The following FAF1 variants were observed in gnomAD, a reference collection of about 807,000 sequenced individuals.
FAF1 encodes the protein FAS-associated factor 1.
A neutral mutation model predicts 92.5 loss-of-function variants in FAF1; 25 were observed. The observed-to-expected ratio is 0.27, with a 90% CI of 0.20 to 0.38. The LOEUF (loss-of-function observed/expected upper bound fraction) is 0.38. FAF1 is among the 10% of genes least tolerant of loss of function. The pLI is 1.00. For synonymous variants in FAF1, 234 were observed against 273.2 expected, an observed-to-expected ratio of 0.86 and a Z score of 1.42; for missense variants, 636 against 793.3, an observed-to-expected ratio of 0.80 and a Z score of 2.38.
intron 8 of FAF1, among the ~76,000 whole-genome samples, chr1:50,623,240 ATT>A (rs1017848986): frequency 2.0e-4 from 30 of 152,140 alleles, no homozygotes; most frequent in African/African-American, 7.2e-4. Context: ...ACAATCTTCC[ATT>A]TTGAGTGTAG....
At chr1:50,872,357 G>A (rs1388082669) in intron 1 of FAF1, among the ~76,000 whole-genome samples, 1 of 152,206 alleles carries the variant, frequency 6.6e-6, no homozygotes, top group Non-Finnish European at 1.5e-5. Flanking sequence ...TAGAAGTGGA[G>A]TGTGAAGATA....
chr1:50,535,315 T>G, intron 15 of FAF1, 54 bp downstream of exon 15: 2 of 1,183,878 alleles, frequency 1.7e-6, no homozygotes, highest in Non-Finnish European at 2.5e-6. Context: ...TTTGACAAAT[T>G]AAAATCCTAT....
intron 6 of FAF1, among the ~76,000 whole-genome samples, chr1:50,732,770 TTC>T (rs1401731811): frequency 6.6e-6 from 1 of 152,156 alleles, no homozygotes; most frequent in Admixed American, 6.5e-5. Context: ...CCATCATATT[TTC>T]TGTTTTCTAT....
At chr1:50,889,671 A>G (rs76205049) in intron 1 of FAF1, among the ~76,000 whole-genome samples, 10,722 of 152,132 alleles carry the variant, frequency 0.07, 460 homozygotes, top group Non-Finnish European at 0.098. Flanking sequence ...GTAGTTGAGC[A>G]GTTTTGAGTG....
rs1644360849 is a variant in FAF1, at chr1:50,852,700, G to A, written c.114+5229C>T. On this transcript the variant is annotated intron_variant, in intron 2 of 18. Transcript: ENST00000396153. ...TACCCCTTAACAGCTATGTGAGCTT[G>A]GACAGTTTACTTAACTTCATTAGCC... 2.6e-5 allele frequency among the ~76,000 whole-genome samples: 4 copies of A among 152,200 alleles called. No individual in the cohort carries two copies. In the South Asian group the frequency reaches 8.3e-4, roughly 32 times the overall value.
intron 1 of FAF1, among the ~76,000 whole-genome samples, chr1:50,882,084 A>C (rs1247794486): frequency 6.6e-6 from 1 of 152,214 alleles, no homozygotes; most frequent in African/African-American, 2.4e-5. Flanking sequence ...ACTCTAAACA[A>C]AGATTATTGC....
Position 50,653,770 on chromosome 1 carries a change from G to A in FAF1, c.744+1672C>T, listed in dbSNP as rs1009321547. Among the ~76,000 whole-genome samples, 9 of 152,210 alleles carry A rather than the reference G, an allele frequency of 5.9e-5. No individual in the cohort carries two copies. The East Asian group carries it at 1.6e-3, about 26-fold the overall frequency. ...AATCCCAGCTACTTGGGAGGCTGAG[G>A]CAGGAGAATCAATCGCTTGAACCCA... On this transcript the variant is annotated intron_variant, in intron 8 of 18. Coordinates refer to ENST00000396153, the MANE Select transcript of FAF1 (RefSeq NM_007051.3).
intron 7 of FAF1, among the ~76,000 whole-genome samples, chr1:50,667,451 A>G (rs1655687955): frequency 6.6e-6 from 1 of 152,150 alleles, no homozygotes; most frequent in African/African-American, 2.4e-5. Context: ...CTCCTCTTCT[A>G]TGCTTTTGAT....
At chr1:50,767,644 T>C (rs1244896158) in intron 4 of FAF1, among the ~76,000 whole-genome samples, 3 of 152,122 alleles carry the variant, frequency 2.0e-5, no homozygotes, top group Non-Finnish European at 1.5e-5. Flanking sequence ...CAGAAGAGAT[T>C]GGGGGTTTAT....
At chr1:50,897,793 C>T (rs1241400279) in intron 1 of FAF1, among the ~76,000 whole-genome samples, 2 of 152,158 alleles carry the variant, frequency 1.3e-5, no homozygotes, top group Non-Finnish European at 2.9e-5. Context: ...TCTATCAATG[C>T]AAAACATGGT....
chr1:50,774,745 G>C (rs996045592), intron 4 of FAF1, among the ~76,000 whole-genome samples: 1 of 152,042 alleles, frequency 6.6e-6, no homozygotes, highest in Admixed American at 6.6e-5. Flanking sequence ...TCCATTGCTA[G>C]ATCTTAGAGA....
In FAF1 at chr1:50,690,843, T is replaced by C. The variant is rs561793521; in HGVS notation, c.657+14943A>G. On this transcript the variant is annotated intron_variant, in intron 7 of 18. Transcript: ENST00000396153. ...AAACGTAATTATATAATATGTGGCT[T>C]TTTGTGTTTAGTTTCTTTCATTTAG... is the stretch of plus-strand genomic sequence containing the variant. 2.6e-5 allele frequency among the ~76,000 whole-genome samples: 4 copies of C among 152,264 alleles called. No individual in the cohort carries two copies. In the South Asian group the frequency reaches 8.3e-4, roughly 32 times the overall value.
intron 10 of FAF1, 100 bp downstream of exon 10, chr1:50,584,585 T>C (rs763358092): frequency 1.2e-4 from 138 of 1,146,664 alleles, no homozygotes; most frequent in Non-Finnish European, 1.6e-4. Context: ...TCCTCAAACC[T>C]GGAGGTCAGT....
chr1:50,617,471 A>G (rs1652970670), intron 8 of FAF1, among the ~76,000 whole-genome samples: 1 of 152,126 alleles, frequency 6.6e-6, no homozygotes, highest in African/African-American at 2.4e-5. Flanking sequence ...TGTATGTTAA[A>G]CCAACTTTGC....
intron 4 of FAF1, among the ~76,000 whole-genome samples, chr1:50,759,167 T>A (rs1038400970): frequency 2.0e-5 from 3 of 152,102 alleles, no homozygotes; most frequent in Non-Finnish European, 4.4e-5. Flanking sequence ...ATTATTATTA[T>A]ACTTTAAGTT....
chr1:50,624,276 T>C (rs1653360800), intron 8 of FAF1, among the ~76,000 whole-genome samples: 2 of 152,154 alleles, frequency 1.3e-5, no homozygotes, highest in African/African-American at 4.8e-5. Flanking sequence ...CCCTCCCAAG[T>C]AGCTGGGATT....
intron 6 of FAF1, among the ~76,000 whole-genome samples, chr1:50,729,771 C>G (rs1199524053): frequency 6.6e-6 from 1 of 151,702 alleles, no homozygotes; most frequent in East Asian, 2.0e-4. Context: ...ACCTGTAATC[C>G]CAGCACTTTG....
intron 8 of FAF1, among the ~76,000 whole-genome samples, chr1:50,623,937 CA>C (rs930237051): frequency 8.1e-5 from 10 of 123,878 alleles, no homozygotes; most frequent in Admixed American, 6.2e-4. Flanking sequence ...GACCCTGTCT[CA>C]AAAAAAAACA....
intron 13 of FAF1, among the ~76,000 whole-genome samples, chr1:50,555,828 A>G (rs1203985651): frequency 6.6e-6 from 1 of 152,164 alleles, no homozygotes; most frequent in African/African-American, 2.4e-5. Flanking sequence ...TTGCAGCACA[A>G]TTCACAATGG....
Sources: allele counts gnomAD v4.1 joint callset (sites outside exome capture counted in the v4.1 genomes callset), GRCh38; gene constraint gnomAD v4.1.1; transcripts MANE v1.5; gene names NCBI Gene and HGNC (gene_info 2026-07-23, HGNC 2026-07-21).